CLNS1A: variants seen among roughly 807,000 people sequenced by gnomAD.
CLNS1A encodes the protein methylosome subunit pICln.
Under a neutral mutation model 29.4 loss-of-function variants are expected in CLNS1A, and 16 were observed. The observed-to-expected ratio is 0.54, with a 90% CI of 0.37 to 0.83. The LOEUF (loss-of-function observed/expected upper bound fraction) is 0.83. CLNS1A is among the 40% of genes least tolerant of loss of function. The probability of loss-of-function intolerance (pLI) is 0.00; values close to 1 mark genes in which losing one functional copy is unlikely to be tolerated. For missense variants in CLNS1A, 235 were observed against 287.4 expected (o/e 0.82, Z 1.32); for synonymous variants, 96 against 104.8 (o/e 0.92, Z 0.51).
Position 77,614,984 on chromosome 11 carries a change from T to G in CLNS1A, c.*1734A>C, listed in dbSNP as rs1376483712. The G allele has an allele frequency of 6.6e-6, 1 of 152,242 alleles. No homozygotes were observed. The highest frequency in any genetic ancestry group is 1.5e-5 in the Non-Finnish European group (1 of 68,046). The allele number at this position is 152,242 out of a possible 1,614,324, so 9.4% of individuals were successfully genotyped here. ...CTCAATCTTTGAAAGTCACTTAGTC[T>G]AATGAGGAAATAAGCCCAGAGAGGT... is the stretch of plus-strand genomic sequence containing the variant. On this transcript the variant is annotated 3_prime_UTR_variant, in exon 7 of 7. Coordinates refer to ENST00000525428, the MANE Select transcript of CLNS1A (RefSeq NM_001293.3).
chr11:77,620,300 A>T (rs1322354911), intron 5 of CLNS1A, among the ~76,000 whole-genome samples: 1 of 152,140 alleles, frequency 6.6e-6, no homozygotes, highest in East Asian at 1.9e-4. Context: ...TGGTTATATA[A>T]GGGGGAGTTT....
At chr11:77,636,098 T>C (rs1239788107) in intron 1 of CLNS1A, among the ~76,000 whole-genome samples, 1 of 151,802 alleles carries the variant, frequency 6.6e-6, no homozygotes, top group Admixed American at 6.6e-5. Flanking sequence ...TGAGACAGGG[T>C]CTCACTCTGT....
intron 1 of CLNS1A, among the ~76,000 whole-genome samples, chr11:77,630,376 A>C (rs748040989): frequency 4.6e-5 from 7 of 152,246 alleles, no homozygotes; most frequent in Non-Finnish European, 1.0e-4. Context: ...AACTTGTCAC[A>C]TTCCTTTATT....
At chr11:77,629,014 G>A (rs1334652489) in intron 2 of CLNS1A, among the ~76,000 whole-genome samples, 3 of 152,064 alleles carry the variant, frequency 2.0e-5, no homozygotes, top group Non-Finnish European at 4.4e-5. Flanking sequence ...AAATGTGGGG[G>A]AATGGTGAGG....
chr11:77,625,807 C>A lies in CLNS1A; in HGVS notation c.274G>T (p.Glu92Ter). The A allele has an allele frequency of 1.9e-6, 3 of 1,573,022 alleles. No individual in the cohort carries two copies. The highest frequency in any genetic ancestry group is 2.6e-6 in the Non-Finnish European group (3 of 1,143,992). ...VNAKFEEESK[E>*]PVADEEEEDS... ...TCCTCTTCTTCATCAGCAACAGGTT[C>A]TTTTGATTCTTCTAGAAAATAAAAT... The change falls in exon 3 of 7, where the codon GAA becomes TAA. Residue 92 changes from glutamate to a stop codon, truncating the protein, a stop_gained. Transcript: ENST00000525428. LOFTEE classifies it high-confidence loss of function.
chr11:77,617,991 T>C (rs1345577159), intron 6 of CLNS1A, among the ~76,000 whole-genome samples: 1 of 151,530 alleles, frequency 6.6e-6, no homozygotes, highest in African/African-American at 2.4e-5. Flanking sequence ...AGCTCTAGGA[T>C]AAAATTAACA....
intron 2 of CLNS1A, among the ~76,000 whole-genome samples, chr11:77,627,312 G>A (rs1426050642): frequency 6.6e-6 from 1 of 151,158 alleles, no homozygotes; most frequent in Non-Finnish European, 1.5e-5. Context: ...GGTGGCGGGA[G>A]CCTGTAGTCC....
At chr11:77,618,944 C>A (rs73500792) in intron 6 of CLNS1A, among the ~76,000 whole-genome samples, 1 of 152,110 alleles carries the variant, frequency 6.6e-6, no homozygotes, top group Non-Finnish European at 1.5e-5. Context: ...AGGAGGCTAG[C>A]GAGAGCATCT....
At chr11:77,618,413 T>C (rs1383926085) in intron 6 of CLNS1A, 7 of 152,262 alleles carry the variant, frequency 4.6e-5, no homozygotes, top group Admixed American at 4.6e-4. Flanking sequence ...GCTCCAGTGA[T>C]GTGAACACAT....
At chr11:77,631,550 C>T (rs1280722111) in intron 1 of CLNS1A, among the ~76,000 whole-genome samples, 2 of 151,942 alleles carry the variant, frequency 1.3e-5, no homozygotes, top group Admixed American at 1.3e-4. Context: ...ATCTCCTGAC[C>T]TCGTGATCCA....
At position 77,625,785 on chromosome 11, in the gene CLNS1A, T is replaced by C. The variant is rs774522232; in HGVS notation, c.296A>G (p.Glu99Gly). The C allele has an allele frequency of 2.1e-5, 34 of 1,599,864 alleles. No homozygotes were observed. Among genetic ancestry groups the C allele is most frequent in the Middle Eastern group, 3.3e-4 (2 of 6,062 alleles). ...ESKEPVADEE[E>G]EDSDDDVEPI... Reference sequence around the variant, plus strand: ...TTCAACATCATCATCACTGTCTTCCTCTTCTTCATCAGCAACAGGTTCTTT... The same window carrying C: ...TTCAACATCATCATCACTGTCTTCCCCTTCTTCATCAGCAACAGGTTCTTT... The change falls in exon 3 of 7, where the codon GAG (glutamate) becomes GGG (glycine). Residue 99 changes from glutamate (E) to glycine (G), a missense_variant. Physicochemically the swap from Glu to Gly is moderately conservative, Grantham distance 98 (BLOSUM62 -2). Coordinates refer to ENST00000525428, the MANE Select transcript of CLNS1A (RefSeq NM_001293.3).
intron 5 of CLNS1A, among the ~76,000 whole-genome samples, chr11:77,620,530 G>T (rs1466163897): frequency 6.6e-6 from 1 of 152,226 alleles, no homozygotes; most frequent in Admixed American, 6.5e-5. Flanking sequence ...CAGGCACAGT[G>T]GCTCACGCCT....
chr11:77,633,069 G>C (rs1959090639), intron 1 of CLNS1A, among the ~76,000 whole-genome samples: 1 of 147,256 alleles, frequency 6.8e-6, no homozygotes, highest in African/African-American at 2.5e-5. Context: ...CCTGGGCAAC[G>C]GGGAGACTCC....
intron 5 of CLNS1A, 141 bp from the exon 6 acceptor site, chr11:77,619,836 G>C (rs759870690): frequency 5.0e-5 from 32 of 644,444 alleles, no homozygotes; most frequent in Non-Finnish European, 8.1e-5. Context: ...AGTCTGAAGG[G>C]ACAAACTGAG....
intron 6 of CLNS1A, among the ~76,000 whole-genome samples, chr11:77,619,193 A>G (rs1374666331): frequency 1.3e-5 from 2 of 152,218 alleles, no homozygotes; most frequent in African/African-American, 4.8e-5. Context: ...ATAAATTGTC[A>G]GGAACAATCT....
At chr11:77,617,262 G>A (rs1433618384) in intron 6 of CLNS1A, among the ~76,000 whole-genome samples, 1 of 151,432 alleles carries the variant, frequency 6.6e-6, no homozygotes, top group Non-Finnish European at 1.5e-5. Flanking sequence ...CAGCTACTCG[G>A]GAGGATGAGG....
intron 4 of CLNS1A, among the ~76,000 whole-genome samples, chr11:77,624,754 G>T (rs1958998545): frequency 6.6e-6 from 1 of 152,148 alleles, no homozygotes; most frequent in Admixed American, 6.5e-5. Flanking sequence ...AGGAGGCAGA[G>T]GTTGCAGTGA....
In CLNS1A at chr11:77,619,521, C is replaced by T; in HGVS notation, c.*22+85G>A. On this transcript the variant is annotated intron_variant, in intron 6 of 6. Transcript: ENST00000525428. ...CCTGGGTGACAGAGTAAGACCCTGT[C>T]TCAAGAAAGAATTTTAAAAAGTAGA... 4.4e-6 allele frequency: 4 copies of T among 918,556 alleles called. No individual in the cohort carries two copies. The South Asian group carries it at 4.4e-5, about 10-fold the overall frequency. 56.9% of individuals were successfully genotyped at this position (918,556 alleles called of 1,614,324 possible).
chr11:77,631,512 T>A (rs1394895705), intron 1 of CLNS1A, among the ~76,000 whole-genome samples: 2 of 151,228 alleles, frequency 1.3e-5, no homozygotes, highest in African/African-American at 2.4e-5. Flanking sequence ...AGAGACGGGG[T>A]TTCACCGTGT....
Sources: allele counts gnomAD v4.1 joint callset (sites outside exome capture counted in the v4.1 genomes callset), GRCh38; gene constraint gnomAD v4.1.1; transcripts MANE v1.5; gene names NCBI Gene and HGNC (gene_info 2026-07-23, HGNC 2026-07-21).